The following SPAG16 variants were observed in gnomAD, a reference collection of about 807,000 sequenced individuals.
SPAG16 encodes the protein sperm associated antigen 16.
A neutral mutation model predicts 80.4 loss-of-function variants in SPAG16; 86 were observed. That is an observed-to-expected ratio of 1.07 (90% CI 0.90 to 1.28). The LOEUF (loss-of-function observed/expected upper bound fraction) is 1.28. SPAG16 is among the 50% of genes most tolerant of loss of function. SPAG16 has a pLI of 0.00. For missense variants in SPAG16, 870 were observed against 765.3 expected (o/e 1.14, Z -1.61); for synonymous variants, 294 against 265.9 (o/e 1.11, Z -1.03).
chr2:214,045,983 T>C (rs534416548), intron 13 of SPAG16, among the ~76,000 whole-genome samples: 8 of 151,834 alleles, frequency 5.3e-5, no homozygotes, highest in Admixed American at 3.9e-4. Context: ...AGAGAGAAGA[T>C]GCAAATAAAT....
At position 213,904,064 on chromosome 2, in the gene SPAG16, A is replaced by G. The variant is rs537114359; in HGVS notation, c.1215-25896A>G. On this transcript the variant is annotated intron_variant, in intron 11 of 15. Transcript: ENST00000331683. ...CACTATCAGGCTTTTGGTCAAAGCC[A>G]TTCAAGTCTCTGGGAAGTTCTAAAT... is the stretch of plus-strand genomic sequence containing the variant. Among the ~76,000 whole-genome samples the G allele has an allele frequency of 7.9e-5, 12 of 152,242 alleles. No homozygotes were observed. The East Asian group carries it at 2.3e-3, about 29-fold the overall frequency.
chr2:213,774,793 C>T (rs62192729), intron 10 of SPAG16, among the ~76,000 whole-genome samples: 40,441 of 152,028 alleles, frequency 0.27, 5,862 homozygotes, highest in Middle Eastern at 0.37. Context: ...GCTGACTCAA[C>T]CTATATTTTA....
chr2:214,315,859 G>A (rs73084984), intron 15 of SPAG16, among the ~76,000 whole-genome samples: 2,372 of 152,152 alleles, frequency 0.016, 60 homozygotes, highest in African/African-American at 0.054. Context: ...CAAATTATGC[G>A]TAAGTATTTC....
At chr2:214,179,266 T>C (rs1463129313) in intron 15 of SPAG16, among the ~76,000 whole-genome samples, 2 of 151,478 alleles carry the variant, frequency 1.3e-5, no homozygotes, top group African/African-American at 2.4e-5. Flanking sequence ...CATTGAGTTT[T>C]ATGCTATCAG....
chr2:214,328,428 G>T (rs1381532721), intron 15 of SPAG16, among the ~76,000 whole-genome samples: 1 of 152,240 alleles, frequency 6.6e-6, no homozygotes, highest in Non-Finnish European at 1.5e-5. Flanking sequence ...CTCCCAAAGT[G>T]TTGGGATTAC....
Position 213,340,856 on chromosome 2 carries a change from C to T in SPAG16, c.644+586C>T, listed in dbSNP as rs369973450. Among the ~76,000 whole-genome samples the T allele has an allele frequency of 6.4e-4, 98 of 152,232 alleles. No homozygotes were observed. In the East Asian group the frequency reaches 0.017, roughly 26 times the overall value. ...CTACAAAAACAAGAAAATAAATTTACAATCCTTAAATAAAATTATATTTTG... is the reference window on the plus strand; with the variant it reads ...CTACAAAAACAAGAAAATAAATTTATAATCCTTAAATAAAATTATATTTTG... On this transcript the variant is annotated intron_variant, in intron 6 of 15. Transcript: ENST00000331683.
chr2:214,196,104 A>G (rs1219479238), intron 15 of SPAG16, among the ~76,000 whole-genome samples: 1 of 152,034 alleles, frequency 6.6e-6, no homozygotes, highest in Non-Finnish European at 1.5e-5. Flanking sequence ...TATTTTCACT[A>G]TGTTTTCTTA....
At chr2:214,202,942 A>G (rs1376828438) in intron 15 of SPAG16, among the ~76,000 whole-genome samples, 1 of 152,234 alleles carries the variant, frequency 6.6e-6, no homozygotes, top group Non-Finnish European at 1.5e-5. Context: ...CAGACCTGAG[A>G]GAATTGCCTT....
intron 15 of SPAG16, among the ~76,000 whole-genome samples, chr2:214,253,788 C>T (rs1024166693): frequency 3.3e-5 from 5 of 152,068 alleles, no homozygotes; most frequent in Non-Finnish European, 5.9e-5. Context: ...GCTATGCAAG[C>T]TCTCTTTTGG....
At chr2:213,884,009 G>A (rs917355091) in intron 11 of SPAG16, among the ~76,000 whole-genome samples, 2 of 152,076 alleles carry the variant, frequency 1.3e-5, no homozygotes, top group Non-Finnish European at 2.9e-5. Flanking sequence ...ATTTACATTC[G>A]GGATTAGTAT....
intron 11 of SPAG16, among the ~76,000 whole-genome samples, chr2:213,878,448 C>T (rs559921508): frequency 6.6e-6 from 1 of 152,042 alleles, no homozygotes; most frequent in Admixed American, 6.6e-5. Flanking sequence ...TGTCTGTCTT[C>T]TTTTGGAAAA....
At chr2:213,665,981 C>A (rs978122941) in intron 10 of SPAG16, among the ~76,000 whole-genome samples, 11 of 152,046 alleles carry the variant, frequency 7.2e-5, no homozygotes, top group Non-Finnish European at 1.0e-4. Context: ...GAGAGTTGAA[C>A]CATGAAGGCA....
At chr2:214,325,140 T>C (rs1696385425) in intron 15 of SPAG16, among the ~76,000 whole-genome samples, 1 of 152,210 alleles carries the variant, frequency 6.6e-6, no homozygotes. Context: ...AATCCAGCTT[T>C]TGAGAACTAC....
intron 14 of SPAG16, among the ~76,000 whole-genome samples, chr2:214,123,785 A>T (rs2054338955): frequency 6.6e-6 from 1 of 152,040 alleles, no homozygotes; most frequent in Non-Finnish European, 1.5e-5. Flanking sequence ...TAACTCAAGC[A>T]TAGGCAATAA....
intron 10 of SPAG16, among the ~76,000 whole-genome samples, chr2:213,854,387 A>G (rs758768651): frequency 2.0e-5 from 3 of 152,200 alleles, no homozygotes; most frequent in Non-Finnish European, 4.4e-5. Flanking sequence ...TAATTGTTCT[A>G]AGTACTTTAC....
intron 15 of SPAG16, among the ~76,000 whole-genome samples, chr2:214,295,924 G>A (rs1694099344): frequency 6.6e-6 from 1 of 152,088 alleles, no homozygotes; most frequent in South Asian, 2.1e-4. Flanking sequence ...TAGATTCAGG[G>A]GATATATGTG....
chr2:214,108,320 T>C (rs2053484785), intron 14 of SPAG16, 59 bp downstream of exon 14: 7 of 1,375,046 alleles, frequency 5.1e-6, no homozygotes, highest in Non-Finnish European at 7.1e-6. Context: ...AATTCATTTT[T>C]ATAAAACAAA....
rs184461052 is a variant in SPAG16 at position 213,758,881 on chromosome 2, G to T, written c.1071-103604G>T. On this transcript the variant is annotated intron_variant, in intron 10 of 15. Coordinates refer to ENST00000331683, the MANE Select transcript of SPAG16 (RefSeq NM_024532.5). ...ATACATTATAATCAAAGCTTTAAAA[G>T]GTGGAGACAAAGATAGAATCTTAAA... is the stretch of plus-strand genomic sequence containing the variant. Among the ~76,000 whole-genome samples, 15 of 152,228 alleles carry T rather than the reference G, an allele frequency of 9.9e-5. 1 individual carries two copies. The highest frequency in any genetic ancestry group is 5.8e-4 in the East Asian group (3 of 5,190).
At chr2:213,310,441 T>G (rs1470071208) in intron 4 of SPAG16, among the ~76,000 whole-genome samples, 1 of 151,772 alleles carries the variant, frequency 6.6e-6, no homozygotes, top group East Asian at 1.9e-4. Context: ...GTTTAAGTAA[T>G]TTTTAAAAAA....
Sources: allele counts gnomAD v4.1 joint callset (sites outside exome capture counted in the v4.1 genomes callset), GRCh38; gene constraint gnomAD v4.1.1; transcripts MANE v1.5; gene names NCBI Gene and HGNC (gene_info 2026-07-23, HGNC 2026-07-21).